Variants in AZIN2 observed in about 807,000 individuals in gnomAD.
The protein encoded by AZIN2 is ODC antizyme inhibitor-2.
In AZIN2, 28 loss-of-function variants were observed where a neutral mutation model predicts 47.8. The ratio of observed to expected loss-of-function variants is 0.59; its 90% CI spans 0.43 to 0.80. The LOEUF is 0.80. Among genes scored for constraint, AZIN2 ranks in the 30% least tolerant of loss-of-function variants. AZIN2 has a pLI of 0.00. For synonymous variants in AZIN2, 221 were observed against 239.4 expected (o/e 0.92, Z 0.71); for missense variants, 535 against 582.5 (o/e 0.92, Z 0.84).
chr1:33,126,290 G>A (rs1207970248), downstream of AZIN2, among the ~76,000 whole-genome samples: 1 of 152,036 alleles, frequency 6.6e-6, no homozygotes, highest in Non-Finnish European at 1.5e-5. Context: ...CCTTCATTAG[G>A]GGTTCCATCT....
the AZIN2 span, chr1:33,160,078 C>T: frequency 1.7e-6 from 2 of 1,154,088 alleles, no homozygotes; most frequent in Admixed American, 5.0e-5. Context: ...GGGGAAATGT[C>T]ACATGCAAAA....
the AZIN2 span, among the ~76,000 whole-genome samples, chr1:33,144,109 T>C: frequency 6.6e-6 from 1 of 150,674 alleles, no homozygotes; most frequent in Admixed American, 6.7e-5. Flanking sequence ...CAAACGTTGA[T>C]ATATGATTCC....
At chr1:33,148,633 CCTT>C in the AZIN2 span, among the ~76,000 whole-genome samples, 1 of 152,142 alleles carries the variant, frequency 6.6e-6, no homozygotes, top group African/African-American at 2.4e-5. Context: ...TTAATAATTT[CCTT>C]CTATTTTCCT....
At chr1:33,161,823 T>C in the AZIN2 span, among the ~76,000 whole-genome samples, 106,194 of 152,110 alleles carry the variant, frequency 0.7, 37,484 homozygotes, top group Non-Finnish European at 0.75. The surrounding 1 kb of genome is among the most constrained non-coding windows in gnomAD (Gnocchi z 4.3). Context: ...CACCCTCTCC[T>C]AGTTGAAAGT....
At chr1:33,104,178 C>T (rs569390988) in intron 10 of AZIN2, among the ~76,000 whole-genome samples, 3 of 152,140 alleles carry the variant, frequency 2.0e-5, no homozygotes, top group South Asian at 2.1e-4. Context: ...CCACTGTACC[C>T]GGCCATTGTT....
intron 7 of AZIN2, 140 bp from the exon 8 acceptor site, chr1:33,094,408 A>G: frequency 1.1e-6 from 1 of 896,722 alleles, no homozygotes. Context: ...CAACCCATTG[A>G]ACATTTCAGG....
rs935812625 is a variant in AZIN2, at chr1:33,081,257, G to A, written c.-443G>A. On this transcript the variant is annotated 5_prime_UTR_variant, in exon 1 of 12. Coordinates refer to ENST00000294517, the MANE Select transcript of AZIN2 (RefSeq NM_052998.4). This position sits in a 1 kb window ranked among gnomAD's most constrained non-coding sequence, Gnocchi z 4.2. ...CCGAGGATCCGATTCACTCCCTGGGGAGACCTATGGGCCGAAGCCGTGTAA... is the reference window on the plus strand; with the variant it reads ...CCGAGGATCCGATTCACTCCCTGGGAAGACCTATGGGCCGAAGCCGTGTAA... 2 of 153,126 alleles carry A rather than the reference G, an allele frequency of 1.3e-5. No homozygotes were observed. Among genetic ancestry groups the A allele is most frequent in the African/African-American group, 2.4e-5 (1 of 41,476 alleles). The allele number at this position is 153,126 out of a possible 1,614,324, so 9.5% of individuals were successfully genotyped here. A position where few individuals can be genotyped will look rare whatever the true frequency, so the allele number is the denominator to read the frequency against.
the AZIN2 span, among the ~76,000 whole-genome samples, chr1:33,136,362 G>GTCTT: frequency 2.6e-4 from 26 of 99,688 alleles, no homozygotes; most frequent in East Asian, 6.2e-3. Context: ...CTCTCTCTCT[G>GTCTT]TCTTTCTTTC....
Position 33,120,194 on chromosome 1 carries a change from T to TC in AZIN2, c.*18dup, listed in dbSNP as rs771196097. On this transcript the variant is annotated 3_prime_UTR_variant, in exon 12 of 12. Transcript: ENST00000294517. ...CGAGCATCATGTGAGTGGGCCTCGT[T>TC]CCCCCCGGAGAATCCCAGCGGGGCC... 2.5e-6 allele frequency: 4 copies of TC among 1,594,038 alleles called. No homozygotes were observed. Among genetic ancestry groups the TC allele is most frequent in the South Asian group, 2.2e-5 (2 of 90,002 alleles).
At chr1:33,097,550 AG>A (rs1257639411) in intron 9 of AZIN2, among the ~76,000 whole-genome samples, 2 of 152,140 alleles carry the variant, frequency 1.3e-5, no homozygotes, top group East Asian at 3.8e-4. Flanking sequence ...ACCCTCATGC[AG>A]GGGAGCCTCA....
At chr1:33,111,883 G>A (rs952868851) in intron 10 of AZIN2, among the ~76,000 whole-genome samples, 21 of 152,120 alleles carry the variant, frequency 1.4e-4, no homozygotes, top group African/African-American at 9.7e-5. Flanking sequence ...GATTACAGGC[G>A]TGAACCACGG....
At chr1:33,126,117 G>A (rs983867341), downstream of AZIN2, among the ~76,000 whole-genome samples, 2 of 152,124 alleles carry the variant, frequency 1.3e-5, no homozygotes, top group African/African-American at 4.8e-5. Flanking sequence ...ATTTCACTTA[G>A]AATTAAGTTC....
chr1:33,136,106 G>A, the AZIN2 span, among the ~76,000 whole-genome samples: 3 of 144,330 alleles, frequency 2.1e-5, no homozygotes, highest in Admixed American at 6.8e-5. Flanking sequence ...TCCAGCCCAG[G>A]GGCCAGCCCT....
the AZIN2 span, among the ~76,000 whole-genome samples, chr1:33,157,591 G>A: frequency 6.6e-6 from 1 of 152,084 alleles, no homozygotes; most frequent in Non-Finnish European, 1.5e-5. Context: ...TGAGGGCAGG[G>A]ATTTTTGCCT....
chr1:33,157,038 C>A, the AZIN2 span, among the ~76,000 whole-genome samples: 1 of 151,216 alleles, frequency 6.6e-6, no homozygotes, highest in Non-Finnish European at 1.5e-5. Flanking sequence ...TCACCCCCTT[C>A]GGTCTATTCT....
In AZIN2 at chr1:33,121,958, C is replaced by T. The variant is rs967541613; in HGVS notation, c.*1776C>T. ...GGTGTCTCCCTTTTCCAGGTGGGAT[C>T]TAGTTTTCGGTATCTTGACAATAAA... is the stretch of plus-strand genomic sequence containing the variant. On this transcript the variant is annotated 3_prime_UTR_variant, in exon 12 of 12. Transcript: ENST00000294517. Among the ~76,000 whole-genome samples, 1 of 152,074 alleles carries T rather than the reference C, an allele frequency of 6.6e-6. No individual in the cohort carries two copies. The highest frequency in any genetic ancestry group is 6.6e-5 in the Admixed American group (1 of 15,264).
chr1:33,117,375 A>C (rs1644594054), intron 10 of AZIN2, among the ~76,000 whole-genome samples: 1 of 152,160 alleles, frequency 6.6e-6, no homozygotes, highest in Non-Finnish European at 1.5e-5. Context: ...CTGGGCTCAG[A>C]AGACAGGCTA....
At chr1:33,109,528 C>T (rs1390443915) in intron 10 of AZIN2, among the ~76,000 whole-genome samples, 1 of 151,932 alleles carries the variant, frequency 6.6e-6, no homozygotes, top group Admixed American at 6.6e-5. Flanking sequence ...GGGGTTTCAC[C>T]ATGTTGTCCA....
At chr1:33,147,357 CA>C in the AZIN2 span, 64 of 1,614,096 alleles carry the variant, frequency 4.0e-5, no homozygotes, top group Non-Finnish European at 5.3e-5. The surrounding 1 kb of genome is among the most constrained non-coding windows in gnomAD (Gnocchi z 8.1). Context: ...GGAAGACACC[CA>C]CCTTGTCAAG....
Sources: gnomAD v4.1 joint callset for allele counts (sites outside exome capture counted in the v4.1 genomes callset) on GRCh38, gnomAD v4.1.1 for gene constraint, Gnocchi (gnomAD v3.1) non-coding constraint, MANE v1.5 for transcripts, NCBI Gene and HGNC (gene_info 2026-07-23, HGNC 2026-07-21) for gene names.